The following DRC11 variants were observed in gnomAD, a reference collection of about 807,000 sequenced individuals.
DRC11 encodes the protein dynein regulatory complex subunit 11, also known as IQ and AAA domain-containing protein 1.
the DRC11 span, chr2:236,497,186 G>T: frequency 6.2e-7 from 1 of 1,611,438 alleles, no homozygotes; most frequent in Non-Finnish European, 8.5e-7. This position sits in a 1 kb window ranked among gnomAD's most constrained non-coding sequence, Gnocchi z 5.1. Context: ...AGATCCTGCA[G>T]GATATCATCG....
the DRC11 span, among the ~76,000 whole-genome samples, chr2:236,327,394 A>C: frequency 6.6e-6 from 1 of 151,144 alleles, no homozygotes; most frequent in African/African-American, 2.4e-5. Flanking sequence ...ACACACGTGC[A>C]CCACCATACC....
At chr2:236,328,311 T>A in the DRC11 span, among the ~76,000 whole-genome samples, 2 of 152,232 alleles carry the variant, frequency 1.3e-5, no homozygotes, top group Non-Finnish European at 2.9e-5. The surrounding 1 kb of genome is among the most constrained non-coding windows in gnomAD (Gnocchi z 6.7). Context: ...GATACCATTA[T>A]CATTTTAAAA....
chr2:236,499,714 A>C, the DRC11 span, among the ~76,000 whole-genome samples: 1 of 152,156 alleles, frequency 6.6e-6, no homozygotes, highest in Non-Finnish European at 1.5e-5. The surrounding 1 kb of genome is among the most constrained non-coding windows in gnomAD (Gnocchi z 4.7). Context: ...ACAGACGTGA[A>C]CCACTGTGCC....
chr2:236,361,593 TATTA>T, the DRC11 span, among the ~76,000 whole-genome samples: 4 of 152,140 alleles, frequency 2.6e-5, no homozygotes, highest in Non-Finnish European at 5.9e-5. This position sits in a 1 kb window ranked among gnomAD's most constrained non-coding sequence, Gnocchi z 5.7. Flanking sequence ...TAAAATACCA[TATTA>T]ATTCTACATA....
chr2:236,447,071 C>A, the DRC11 span, among the ~76,000 whole-genome samples: 1 of 151,538 alleles, frequency 6.6e-6, no homozygotes, highest in Non-Finnish European at 1.5e-5. This position sits in a 1 kb window ranked among gnomAD's most constrained non-coding sequence, Gnocchi z 4.6. Context: ...CTCCCAGCCT[C>A]CTCCAGTGAC....
the DRC11 span, among the ~76,000 whole-genome samples, chr2:236,403,203 G>A: frequency 6.6e-6 from 1 of 152,078 alleles, no homozygotes; most frequent in Non-Finnish European, 1.5e-5. Context: ...GGAACAGCAT[G>A]TGTGAAGTCC....
chr2:236,371,571 C>G, the DRC11 span, among the ~76,000 whole-genome samples: 2 of 152,130 alleles, frequency 1.3e-5, no homozygotes, highest in Admixed American at 1.3e-4. The surrounding 1 kb of genome is among the most constrained non-coding windows in gnomAD (Gnocchi z 5.1). Context: ...CAGCGCACAC[C>G]GCTCTTATGC....
chr2:236,494,621 AG>A, the DRC11 span, among the ~76,000 whole-genome samples: 63 of 152,262 alleles, frequency 4.1e-4, no homozygotes, highest in African/African-American at 1.3e-3. The surrounding 1 kb of genome is among the most constrained non-coding windows in gnomAD (Gnocchi z 4.2). Context: ...AGGAAAGCAA[AG>A]GTCTTTGTTT....
At chr2:236,473,824 G>C in the DRC11 span, among the ~76,000 whole-genome samples, 1 of 151,798 alleles carries the variant, frequency 6.6e-6, no homozygotes, top group African/African-American at 2.4e-5. This position sits in a 1 kb window ranked among gnomAD's most constrained non-coding sequence, Gnocchi z 4.8. Flanking sequence ...GAAACATTCG[G>C]TCAGGAATTG....
At chr2:236,476,930 T>G in the DRC11 span, among the ~76,000 whole-genome samples, 38 of 152,236 alleles carry the variant, frequency 2.5e-4, no homozygotes, top group African/African-American at 8.9e-4. This position sits in a 1 kb window ranked among gnomAD's most constrained non-coding sequence, Gnocchi z 4.7. Context: ...GGCCCCGGTG[T>G]GTGTTGTTTC....
the DRC11 span, chr2:236,343,574 C>T: frequency 1.6e-4 from 80 of 492,346 alleles, no homozygotes; most frequent in Non-Finnish European, 2.9e-4. The surrounding 1 kb of genome is among the most constrained non-coding windows in gnomAD (Gnocchi z 6.6). Flanking sequence ...GTAGCCCCTG[C>T]CCATGAATGA....
chr2:236,401,748 G>T, the DRC11 span, among the ~76,000 whole-genome samples: 1 of 151,982 alleles, frequency 6.6e-6, no homozygotes, highest in African/African-American at 2.4e-5. This position sits in a 1 kb window ranked among gnomAD's most constrained non-coding sequence, Gnocchi z 4.6. Flanking sequence ...TGGTGCCAGG[G>T]GGTTGGTGCG....
the DRC11 span, among the ~76,000 whole-genome samples, chr2:236,366,822 TTC>T: frequency 2.1e-5 from 3 of 141,784 alleles, no homozygotes; most frequent in Admixed American, 7.0e-5. Context: ...CTCTCTCTCT[TTC>T]TCTCTCTCTC....
At chr2:236,426,239 TACA>T in the DRC11 span, among the ~76,000 whole-genome samples, 1 of 152,054 alleles carries the variant, frequency 6.6e-6, no homozygotes, top group Non-Finnish European at 1.5e-5. The surrounding 1 kb of genome is among the most constrained non-coding windows in gnomAD (Gnocchi z 4.1). Context: ...TGTTCATTTT[TACA>T]ACATTAATTC....
the DRC11 span, among the ~76,000 whole-genome samples, chr2:236,452,687 C>A: frequency 6.6e-6 from 1 of 152,192 alleles, no homozygotes; most frequent in South Asian, 2.1e-4. This position sits in a 1 kb window ranked among gnomAD's most constrained non-coding sequence, Gnocchi z 4.7. Context: ...TTAGCGGCAC[C>A]TTACAAAATC....
the DRC11 span, among the ~76,000 whole-genome samples, chr2:236,315,996 TTAAAA>T: frequency 5.9e-5 from 9 of 152,168 alleles, no homozygotes; most frequent in South Asian, 2.1e-4. This position sits in a 1 kb window ranked among gnomAD's most constrained non-coding sequence, Gnocchi z 5.1. Context: ...TACCTGGAAC[TTAAAA>T]TAAAAGCTTC....
chr2:236,394,978 A>G, the DRC11 span, among the ~76,000 whole-genome samples: 1 of 152,242 alleles, frequency 6.6e-6, no homozygotes, highest in African/African-American at 2.4e-5. The surrounding 1 kb of genome is among the most constrained non-coding windows in gnomAD (Gnocchi z 7.0). Flanking sequence ...AAATGATGCA[A>G]ATTTCTTTCA....
At chr2:236,320,252 CCA>C in the DRC11 span, among the ~76,000 whole-genome samples, 1 of 152,180 alleles carries the variant, frequency 6.6e-6, no homozygotes, top group Non-Finnish European at 1.5e-5. Context: ...GGTTTACAGC[CCA>C]CAGTCTTGGT....
chr2:236,481,976 A>G, the DRC11 span, among the ~76,000 whole-genome samples: 3 of 149,090 alleles, frequency 2.0e-5, no homozygotes, highest in Admixed American at 2.0e-4. Flanking sequence ...AATTCTATGT[A>G]TAATTCTACA....
Sources: gnomAD v4.1 joint callset for allele counts (sites outside exome capture counted in the v4.1 genomes callset) on GRCh38, gnomAD v4.1.1 for gene constraint, Gnocchi (gnomAD v3.1) non-coding constraint, MANE v1.5 for transcripts, NCBI Gene and HGNC (gene_info 2026-07-23, HGNC 2026-07-21) for gene names.